The following FAM227A variants were observed in gnomAD, a reference collection of about 807,000 sequenced individuals.
FAM227A encodes protein FAM227A.
A neutral mutation model predicts 74.7 loss-of-function variants in FAM227A; 80 were observed. The ratio of observed to expected loss-of-function variants is 1.07; its 90% confidence interval spans 0.89 to 1.29. FAM227A has a LOEUF of 1.29. Ranked by LOEUF, FAM227A falls within the 50% of genes most tolerant of loss-of-function variation. The pLI, the probability that FAM227A is intolerant of heterozygous loss-of-function variation, is 0.00. For synonymous variants in FAM227A, 237 were observed against 241.8 expected (o/e 0.98, Z 0.19); for missense variants, 654 against 683.4 (o/e 0.96, Z 0.48).
intron 3 of FAM227A, among the ~76,000 whole-genome samples, chr22:38,640,889 T>C (rs2092100484): frequency 6.6e-6 from 1 of 152,068 alleles, no homozygotes; most frequent in African/African-American, 2.4e-5. Context: ...GTACTGGGCA[T>C]GTGTGCAGGG....
Position 38,583,100 on chromosome 22 carries a change from T to G in FAM227A, c.*3025A>C. The G allele has an allele frequency of 1.3e-6, 1 of 764,678 alleles. No individual in the cohort carries two copies. The highest frequency in any genetic ancestry group is 2.1e-6 in the Non-Finnish European group (1 of 475,562). 47.4% of individuals were successfully genotyped at this position (764,678 alleles called of 1,614,324 possible). Reference sequence around the variant, plus strand: ...TAGTAAAGGGAAGGTGAGAGAGTGTTCTGCTTATCTGCCCCACATGGTGCC... The same window carrying G: ...TAGTAAAGGGAAGGTGAGAGAGTGTGCTGCTTATCTGCCCCACATGGTGCC... On this transcript the variant is annotated 3_prime_UTR_variant, in exon 17 of 17. Coordinates refer to ENST00000535113, the MANE Select transcript of FAM227A (RefSeq NM_001013647.2).
chr22:38,646,075 G>A (rs193112740), intron 2 of FAM227A, among the ~76,000 whole-genome samples: 5 of 151,890 alleles, frequency 3.3e-5, no homozygotes, highest in Non-Finnish European at 5.9e-5. Flanking sequence ...ATGAGCCACC[G>A]CACCTAGCCC....
In FAM227A at chr22:38,583,170, A is replaced by AAT; in HGVS notation, c.*2954_*2955insAT. The AAT allele has an allele frequency of 2.8e-6, 1 of 357,920 alleles. No individual in the cohort carries two copies. Among genetic ancestry groups the AAT allele is most frequent in the Non-Finnish European group, 4.8e-6 (1 of 209,176 alleles). The allele number at this position is 357,920 out of a possible 1,614,324, so 22.2% of individuals were successfully genotyped here. The stretch of plus-strand genomic sequence containing the variant: ...ACACGTTCTGGTTTCAGAAGACTAT[A>AAT]CTTTTTTTTTTTTTTTTTTGAGATG... On this transcript the variant is annotated 3_prime_UTR_variant, in exon 17 of 17. Coordinates refer to ENST00000535113, the MANE Select transcript of FAM227A (RefSeq NM_001013647.2).
chr22:38,600,047 AAG>A, intron 13 of FAM227A, 126 bp from the exon 14 acceptor site: 1 of 907,200 alleles, frequency 1.1e-6, no homozygotes, highest in Non-Finnish European at 1.6e-6. Flanking sequence ...GATGCACCCT[AAG>A]AAAATTACTC....
intron 11 of FAM227A, among the ~76,000 whole-genome samples, chr22:38,611,339 A>G (rs2091409674): frequency 1.3e-5 from 2 of 152,154 alleles, no homozygotes; most frequent in South Asian, 4.1e-4. Flanking sequence ...CAATCTAGGG[A>G]TGCCTAGAAA....
Position 38,597,195 on chromosome 22 carries a change from C to T in FAM227A, c.1532+9G>A, listed in dbSNP as rs1306181831. 6.4e-7 allele frequency: 1 copy of T among 1,552,104 alleles called. No homozygotes were observed. Among genetic ancestry groups the T allele is most frequent in the Non-Finnish European group, 8.7e-7 (1 of 1,146,902 alleles). The stretch of plus-strand genomic sequence containing the variant: ...GGAACAACGGCATTCCCCAAAGCCC[C>T]TTCCATACCTGGAGAAGTTGTCTTG... On this transcript the variant is annotated intron_variant, in intron 15 of 16. Coordinates refer to ENST00000535113, the MANE Select transcript of FAM227A (RefSeq NM_001013647.2).
chr22:38,650,260 C>A lies in FAM227A; in HGVS notation c.-92G>T. On this transcript the variant is annotated splice_region_variant and 5_prime_UTR_variant, in exon 2 of 17. The change creates a new upstream start codon in the 5' untranslated region. Coordinates refer to ENST00000535113, the MANE Select transcript of FAM227A (RefSeq NM_001013647.2). ...CAATCTTGTCGTTTGTTTAATCAGCCTCCTGGAAATCATAAACAGCATAGA... is the reference window on the plus strand; with the variant it reads ...CAATCTTGTCGTTTGTTTAATCAGCATCCTGGAAATCATAAACAGCATAGA... 7.6e-7 allele frequency: 1 copy of A among 1,313,772 alleles called. No homozygotes were observed. Among genetic ancestry groups the A allele is most frequent in the South Asian group, 1.4e-5 (1 of 72,796 alleles). The allele number at this position is 1,313,772 out of a possible 1,614,324, so 81.4% of individuals were successfully genotyped here. A position where few individuals can be genotyped will look rare whatever the true frequency, so the allele number is the denominator to read the frequency against.
At chr22:38,589,445 GA>G (rs1392061099) in intron 16 of FAM227A, among the ~76,000 whole-genome samples, 2 of 152,110 alleles carry the variant, frequency 1.3e-5, no homozygotes, top group African/African-American at 2.4e-5. Flanking sequence ...TCTGACAATT[GA>G]CTATCATAGT....
chr22:38,650,058 A>C lies in FAM227A; in HGVS notation c.111T>G (p.Thr37=), dbSNP rs377047589. 3.7e-5 allele frequency: 58 copies of C among 1,552,128 alleles called. No homozygotes were observed. Among genetic ancestry groups the C allele is most frequent in the Non-Finnish European group, 4.3e-5 (49 of 1,147,132 alleles). The change falls in exon 2 of 17, where the codon ACT becomes ACG. Residue 37 remains threonine (T), a synonymous_variant. Coordinates refer to ENST00000535113, the MANE Select transcript of FAM227A (RefSeq NM_001013647.2). ...GATTGTTCTCTAACTCCTTCCTCAC[A>C]GTCTTCACCATTGTATTCCGTGCGA... ...SLVARNTMVK[T]VRKELENNPP... is the part of the protein sequence containing the mutation.
intron 12 of FAM227A, 21 bp from the exon 13 acceptor site, chr22:38,605,369 A>C (rs1187614969): frequency 7.0e-7 from 1 of 1,430,876 alleles, no homozygotes; most frequent in Admixed American, 2.0e-5. Context: ...GACATTAGCA[A>C]GAAAATGACC....
Position 38,584,149 on chromosome 22 carries a change from T to G in FAM227A, c.*1976A>C, listed in dbSNP as rs2090758321. The stretch of plus-strand genomic sequence containing the variant: ...TCCACGCAGCTTTCTATCGGAGCAT[T>G]AATGCATTTATTGGTTTACACATCC... On this transcript the variant is annotated 3_prime_UTR_variant, in exon 17 of 17. Coordinates refer to ENST00000535113, the MANE Select transcript of FAM227A (RefSeq NM_001013647.2). 1 of 152,248 alleles carries G rather than the reference T, an allele frequency of 6.6e-6. No homozygotes were observed. The highest frequency in any genetic ancestry group is 2.4e-5 in the African/African-American group (1 of 41,452). The allele number at this position is 152,248 out of a possible 1,614,324, so 9.4% of individuals were successfully genotyped here.
Position 38,616,398 on chromosome 22 carries a change from C to A in FAM227A, c.1038+3814G>T, listed in dbSNP as rs188545235. 3.7e-3 allele frequency among the ~76,000 whole-genome samples: 567 copies of A among 152,284 alleles called. 2 individuals carry two copies. Among genetic ancestry groups the A allele is most frequent in the Non-Finnish European group, 6.2e-3 (419 of 68,024 alleles). On this transcript the variant is annotated intron_variant, in intron 11 of 16. Coordinates refer to ENST00000535113, the MANE Select transcript of FAM227A (RefSeq NM_001013647.2). Reference sequence around the variant, plus strand: ...AAGAAGTTCTGGGCTGGATGTGGCTCATGCCTGTAATCCCAGCACTTTGGG... The same window carrying A: ...AAGAAGTTCTGGGCTGGATGTGGCTAATGCCTGTAATCCCAGCACTTTGGG...
chr22:38,597,167 T>C, intron 15 of FAM227A, 37 bp downstream of exon 15: 1 of 1,547,408 alleles, frequency 6.5e-7, no homozygotes, highest in South Asian at 1.2e-5. Context: ...AAAAGATAAG[T>C]GCGGAACAAC....
At chr22:38,626,101 AAACAAT>A (rs2091793396) in intron 9 of FAM227A, 73 bp downstream of exon 9, 1 of 1,442,422 alleles carries the variant, frequency 6.9e-7, no homozygotes, top group African/African-American at 1.4e-5. Flanking sequence ...GTGTCATAGC[AAACAAT>A]AACATACCTA....
chr22:38,597,178 G>A (rs749720896), intron 15 of FAM227A, 26 bp downstream of exon 15: 14 of 1,549,950 alleles, frequency 9.0e-6, no homozygotes, highest in South Asian at 3.6e-5. Context: ...GCGGAACAAC[G>A]GCATTCCCCA....
chr22:38,649,143 T>C (rs1207208235), intron 2 of FAM227A, among the ~76,000 whole-genome samples: 2 of 152,212 alleles, frequency 1.3e-5, no homozygotes, highest in Admixed American at 1.3e-4. Context: ...CCCCATTCTT[T>C]CCACAAATAC....
chr22:38,627,553 G>A (rs1315850840), intron 8 of FAM227A, among the ~76,000 whole-genome samples: 19 of 151,874 alleles, frequency 1.3e-4, no homozygotes, highest in Non-Finnish European at 1.9e-4. Flanking sequence ...GGGCGACAGA[G>A]TGAGACTCTG....
chr22:38,626,093 G>T, intron 9 of FAM227A, 87 bp downstream of exon 9: 1 of 1,360,552 alleles, frequency 7.3e-7, no homozygotes, highest in South Asian at 1.4e-5. Flanking sequence ...ATGAAGGGGT[G>T]TCATAGCAAA....
At chr22:38,638,651 C>T (rs2092051571) in intron 5 of FAM227A, 95 bp downstream of exon 5, 2 of 899,744 alleles carry the variant, frequency 2.2e-6, no homozygotes, top group Non-Finnish European at 3.5e-6. Flanking sequence ...ATAATCACTA[C>T]CCAGGCACCA....
Sources: gnomAD v4.1 joint callset for allele counts (sites outside exome capture counted in the v4.1 genomes callset) on GRCh38, gnomAD v4.1.1 for gene constraint, MANE v1.5 for transcripts, NCBI Gene and HGNC (gene_info 2026-07-23, HGNC 2026-07-21) for gene names.